GLT8D2: variants seen among roughly 807,000 people sequenced by gnomAD.
GLT8D2 encodes the protein glycosyltransferase 8 domain-containing protein 2.
In GLT8D2, 45 loss-of-function variants were observed where a neutral mutation model predicts 44.5. The observed-to-expected ratio is 1.01, with a 90% CI of 0.80 to 1.30. The LOEUF (loss-of-function observed/expected upper bound fraction) is 1.30, where lower values mean the gene tolerates loss of function less well. GLT8D2 is among the 50% of genes most tolerant of loss of function. The probability of loss-of-function intolerance (pLI) is 0.00; values close to 1 mark genes in which losing one functional copy is unlikely to be tolerated. For missense variants in GLT8D2, 400 were observed against 430.4 expected (o/e 0.93, Z 0.62); for synonymous variants, 156 against 157.2 (o/e 0.99, Z 0.06).
At chr12:104,053,512 G>T (rs1881894717), upstream of GLT8D2, among the ~76,000 whole-genome samples, 1 of 152,136 alleles carries the variant, frequency 6.6e-6, no homozygotes, top group Non-Finnish European at 1.5e-5. Flanking sequence ...CTCTTGTGTG[G>T]GTTAAAAGAC....
rs1230633616 is a variant in GLT8D2 at position 103,994,439 on chromosome 12, G to C, written c.663C>G (p.Pro221=). The C allele has an allele frequency of 6.2e-7, 1 of 1,614,018 alleles. No individual in the cohort carries two copies. Among genetic ancestry groups the C allele is most frequent in the Non-Finnish European group, 8.5e-7 (1 of 1,179,994 alleles). The change falls in exon 9 of 11, where the codon CCC becomes CCG. Residue 221 remains proline (P), a synonymous_variant. Transcript: ENST00000360814. ...KKAIKDLGIS[P]STCSFNPGVI... is the part of the protein sequence containing the mutation. Reference sequence around the variant, plus strand: ...CACCAGGATTGAAAGAGCAGGTGCTGGGGCTGATGCCAAGGTCCTTGATGG... The same window carrying C: ...CACCAGGATTGAAAGAGCAGGTGCTCGGGCTGATGCCAAGGTCCTTGATGG...
At chr12:104,021,947 A>G (rs28534671) in intron 1 of GLT8D2, among the ~76,000 whole-genome samples, 632 of 17,284 alleles carry the variant, frequency 0.037, 39 homozygotes, top group East Asian at 0.19. Context: ...AAGAAGAAGA[A>G]GAAGAAGAGG....
chr12:103,990,097 A>C (rs1256373166), intron 10 of GLT8D2, among the ~76,000 whole-genome samples: 1 of 6,942 alleles, frequency 1.4e-4, no homozygotes, highest in Non-Finnish European at 2.3e-4. Context: ...ATATATATAT[A>C]TATATATATA....
chr12:103,996,843 A>T lies in GLT8D2; in HGVS notation c.492T>A (p.Asp164Glu). Residue 164 changes from aspartate (D) to glutamate (E), a missense_variant, in exon 8 of 11, where the codon GAT (aspartate) becomes GAA (glutamate). Coordinates refer to ENST00000360814, the MANE Select transcript of GLT8D2 (RefSeq NM_001384711.1). The part of the protein sequence containing the change: ...YLDDDVIVQG[D>E]IQELYDTTLA... ...AGGTGGTGTCATACAGTTCTTGGATATCACCTGAATTTAGAAACACCACCA... is the reference window on the plus strand; with the variant it reads ...AGGTGGTGTCATACAGTTCTTGGATTTCACCTGAATTTAGAAACACCACCA... 6.2e-7 allele frequency: 1 copy of T among 1,609,096 alleles called. No homozygotes were observed. Among genetic ancestry groups the T allele is most frequent in the Non-Finnish European group, 8.5e-7 (1 of 1,176,936 alleles).
Position 103,996,815 on chromosome 12 carries a change from C to T in GLT8D2, c.520G>A (p.Ala174Thr), listed in dbSNP as rs1873485756. 5 of 1,613,948 alleles carry T rather than the reference C, an allele frequency of 3.1e-6. No individual in the cohort carries two copies. Among genetic ancestry groups the T allele is most frequent in the Non-Finnish European group, 8.5e-7 (1 of 1,179,966 alleles). ...DIQELYDTTLALGHAAAFSDD... is the reference protein window; with the variant it reads ...DIQELYDTTLTLGHAAAFSDD... ...GAGAAAGCCGCCGCGTGGCCCAGGG[C>T]CAAGGTGGTGTCATACAGTTCTTGG... Residue 174 changes from alanine (A) to threonine (T), a missense_variant, in exon 8 of 11, where the codon GCC becomes ACC. By Grantham distance (58) the Ala-to-Thr change is moderately conservative. Transcript: ENST00000360814.
chr12:103,997,334 C>A (rs1212603806), intron 7 of GLT8D2, 117 bp downstream of exon 7: 2 of 782,758 alleles, frequency 2.6e-6, no homozygotes, highest in African/African-American at 3.4e-5. Context: ...GTACTCACAA[C>A]TTAAATAAGC....
intron 4 of GLT8D2, among the ~76,000 whole-genome samples, chr12:104,007,860 T>C (rs1419912683): frequency 6.6e-6 from 1 of 152,226 alleles, no homozygotes; most frequent in Non-Finnish European, 1.5e-5. Context: ...TGGTAGTGAA[T>C]AAGTCTCATG....
intron 1 of GLT8D2, chr12:104,031,623 C>G: frequency 2.2e-6 from 3 of 1,395,336 alleles, no homozygotes; most frequent in Non-Finnish European, 3.0e-6. Context: ...CTGCACATGT[C>G]ACACTGACCA....
chr12:104,020,422 TA>T (rs1476605887), intron 2 of GLT8D2, among the ~76,000 whole-genome samples: 1 of 152,180 alleles, frequency 6.6e-6, no homozygotes, highest in Non-Finnish European at 1.5e-5. Context: ...GCATGCATTA[TA>T]CTCAATTCAA....
chr12:103,992,104 C>T (rs1179381227), intron 10 of GLT8D2, among the ~76,000 whole-genome samples: 1 of 152,206 alleles, frequency 6.6e-6, no homozygotes, highest in Non-Finnish European at 1.5e-5. Context: ...TCTAAACTTC[C>T]AAACATGTCT....
intron 1 of GLT8D2, among the ~76,000 whole-genome samples, chr12:104,062,895 C>T (rs779342949): frequency 1.3e-5 from 2 of 152,160 alleles, no homozygotes; most frequent in Non-Finnish European, 2.9e-5. Context: ...TCGGCCTGTT[C>T]GGAACCCCCA....
Position 103,996,808 on chromosome 12 carries a change from CCCAGGGCCAAGG to C in GLT8D2, c.515_526del (p.Thr172_Gly176delinsSer), listed in dbSNP as rs1873484045. ...GTCATCTGAGAAAGCCGCCGCGTGGCCCAGGGCCAAGGTGGTGTCATACAGTTCTTGGATATC... is the reference window on the plus strand; with the variant it reads ...GTCATCTGAGAAAGCCGCCGCGTGGCTGGTGTCATACAGTTCTTGGATATC... On this transcript the variant is annotated inframe_deletion, in exon 8 of 11. Transcript: ENST00000360814. 1 of 1,613,970 alleles carries C rather than the reference CCCAGGGCCAAGG, an allele frequency of 6.2e-7. No individual in the cohort carries two copies. Among genetic ancestry groups the C allele is most frequent in the Admixed American group, 1.7e-5 (1 of 59,992 alleles).
chr12:104,034,321 C>T (rs879737724), intron 1 of GLT8D2, among the ~76,000 whole-genome samples: 12 of 152,208 alleles, frequency 7.9e-5, no homozygotes, highest in South Asian at 4.1e-4. Flanking sequence ...GAGGGTGAGC[C>T]GAAGCAGGGC....
chr12:104,026,461 C>T (rs947582782), intron 1 of GLT8D2, among the ~76,000 whole-genome samples: 3 of 152,078 alleles, frequency 2.0e-5, no homozygotes, highest in Admixed American at 2.0e-4. Context: ...CTAAGACACC[C>T]TCCCTCTATT....
chr12:104,009,835 A>G (rs1411551912), intron 4 of GLT8D2, among the ~76,000 whole-genome samples: 1 of 152,166 alleles, frequency 6.6e-6, no homozygotes, highest in Non-Finnish European at 1.5e-5. Flanking sequence ...TCACTTTTGT[A>G]TCTCTCATTT....
intron 1 of GLT8D2, among the ~76,000 whole-genome samples, chr12:104,033,479 G>A (rs1467998956): frequency 6.6e-6 from 1 of 152,134 alleles, no homozygotes; most frequent in Non-Finnish European, 1.5e-5. Context: ...GAGTAGAAGG[G>A]TGGTTACCAG....
chr12:104,034,166 T>C (rs1014909805), intron 1 of GLT8D2, among the ~76,000 whole-genome samples: 3 of 152,224 alleles, frequency 2.0e-5, no homozygotes, highest in Admixed American at 1.3e-4. Flanking sequence ...TATGCCTGGA[T>C]TCCATTCCAA....
At chr12:104,059,770 G>A (rs1028555521) in intron 1 of GLT8D2, among the ~76,000 whole-genome samples, 29 of 152,094 alleles carry the variant, frequency 1.9e-4, no homozygotes, top group Non-Finnish European at 4.3e-4. Context: ...AGGCAGGCAA[G>A]GAGAAGGTTG....
intron 8 of GLT8D2, among the ~76,000 whole-genome samples, chr12:103,994,839 C>T (rs759186876): frequency 3.6e-4 from 55 of 152,236 alleles, no homozygotes; most frequent in Middle Eastern, 6.8e-3. Flanking sequence ...ATCCAAATGT[C>T]TCCTTTCAGA....
Sources: allele counts gnomAD v4.1 joint callset (sites outside exome capture counted in the v4.1 genomes callset), GRCh38; gene constraint gnomAD v4.1.1; transcripts MANE v1.5; gene names NCBI Gene and HGNC (gene_info 2026-07-23, HGNC 2026-07-21).